The following CLNK variants were observed in gnomAD, a reference collection of about 807,000 sequenced individuals.
CLNK encodes cytokine-dependent hematopoietic cell linker.
A neutral mutation model predicts 68.6 loss-of-function variants in CLNK; 74 were observed. The observed-to-expected ratio is 1.08, with a 90% CI of 0.89 to 1.31. The LOEUF (loss-of-function observed/expected upper bound fraction) is 1.31, where lower values mean the gene tolerates loss of function less well. Ranked by LOEUF, CLNK falls within the 50% of genes most tolerant of loss-of-function variation. The probability of loss-of-function intolerance (pLI) is 0.00; values close to 1 mark genes in which losing one functional copy is unlikely to be tolerated. For missense variants in CLNK, 553 were observed against 515.3 expected, an observed-to-expected ratio of 1.07 and a Z score of -0.71; for synonymous variants, 198 against 172.2, an observed-to-expected ratio of 1.15 and a Z score of -1.17.
At chr4:10,632,326 T>C (rs1218299480) in intron 2 of CLNK, among the ~76,000 whole-genome samples, 2 of 152,208 alleles carry the variant, frequency 1.3e-5, no homozygotes, top group Non-Finnish European at 1.5e-5. Flanking sequence ...CCATCATCTT[T>C]TTCTATCTCC....
intron 4 of CLNK, among the ~76,000 whole-genome samples, chr4:10,583,591 G>C (rs1054452291): frequency 6.6e-6 from 1 of 152,182 alleles, no homozygotes. Context: ...GGTCTGGGCT[G>C]TTATTTTGAA....
At chr4:10,699,512 A>ATATATATATT in the CLNK span, among the ~76,000 whole-genome samples, 2 of 32,760 alleles carry the variant, frequency 6.1e-5, no homozygotes, top group African/African-American at 1.2e-4. Flanking sequence ...ATATATATAT[A>ATATATATATT]TTTTTTTTTT....
chr4:10,721,021 G>T, the CLNK span, among the ~76,000 whole-genome samples: 1 of 152,062 alleles, frequency 6.6e-6, no homozygotes, highest in Admixed American at 6.6e-5. Context: ...TACACAACTT[G>T]GGGGACTTTC....
intron 12 of CLNK, among the ~76,000 whole-genome samples, chr4:10,531,923 T>C (rs1026254145): frequency 6.6e-6 from 1 of 152,212 alleles, no homozygotes; most frequent in Non-Finnish European, 1.5e-5. Flanking sequence ...CAAAGTGCAA[T>C]ACCATTTCTA....
At chr4:10,607,942 G>C (rs1341767901) in intron 2 of CLNK, among the ~76,000 whole-genome samples, 1 of 152,198 alleles carries the variant, frequency 6.6e-6, no homozygotes, top group Non-Finnish European at 1.5e-5. Context: ...GGATAATCAT[G>C]AAAAATATCC....
At chr4:10,699,514 T>TATATATATATATATTTTA in the CLNK span, among the ~76,000 whole-genome samples, 1 of 18,452 alleles carries the variant, frequency 5.4e-5, no homozygotes, top group African/African-American at 1.9e-4. Context: ...ATATATATAT[T>TATATATATATATATTTTA]TTTTTTTTTT....
intron 2 of CLNK, among the ~76,000 whole-genome samples, chr4:10,615,942 G>C (rs576487673): frequency 1.3e-5 from 2 of 152,300 alleles, no homozygotes; most frequent in African/African-American, 4.8e-5. Flanking sequence ...GTGTGCTGAA[G>C]CTGGCTTATG....
intron 15 of CLNK, among the ~76,000 whole-genome samples, chr4:10,513,910 A>T (rs1452814063): frequency 1.4e-5 from 2 of 144,898 alleles, no homozygotes; most frequent in East Asian, 4.0e-4. Context: ...CACATTGTGC[A>T]GGTTAGTTAC....
At position 10,581,738 on chromosome 4, in the gene CLNK, G is replaced by A. The variant is rs568483142; in HGVS notation, c.112+3189C>T. On this transcript the variant is annotated intron_variant, in intron 4 of 18. Transcript: ENST00000226951. The stretch of plus-strand genomic sequence containing the variant: ...GTTGAATGAATGGATGGGTGAGTGG[G>A]TGAATGGTGATAGGGAAGGCAGCTG... Among the ~76,000 whole-genome samples, 18 of 152,154 alleles carry A rather than the reference G, an allele frequency of 1.2e-4. No individual in the cohort carries two copies. The South Asian group carries it at 3.5e-3, about 30-fold the overall frequency.
chr4:10,645,877 G>A (rs997241454), intron 2 of CLNK, among the ~76,000 whole-genome samples: 18 of 152,158 alleles, frequency 1.2e-4, no homozygotes, highest in Non-Finnish European at 2.4e-4. Context: ...TGTTTGAGGT[G>A]ATGGATATCC....
intron 2 of CLNK, among the ~76,000 whole-genome samples, chr4:10,626,614 A>C (rs777455897): frequency 3.9e-5 from 6 of 152,200 alleles, no homozygotes; most frequent in Admixed American, 6.5e-5. Flanking sequence ...AATACAAACG[A>C]TATATTCTGG....
At chr4:10,537,455 G>T (rs1577114066) in intron 11 of CLNK, among the ~76,000 whole-genome samples, 1 of 152,202 alleles carries the variant, frequency 6.6e-6, no homozygotes, top group African/African-American at 2.4e-5. Context: ...TCCAGCCTGG[G>T]CAATAGAGCG....
At position 10,487,997 on chromosome 4, in the gene CLNK, C is replaced by A. The variant is rs1716424714; in HGVS notation, c.*2470G>T. 1.3e-5 allele frequency: 2 copies of A among 152,160 alleles called. No homozygotes were observed. Among genetic ancestry groups the A allele is most frequent in the African/African-American group, 4.8e-5 (2 of 41,428 alleles). 9.4% of individuals were successfully genotyped at this position (152,160 alleles called of 1,614,324 possible). The stretch of plus-strand genomic sequence containing the variant: ...ACCCGACACCCAATCCCTCAAACCC[C>A]AATCACCAGAAGCAGCCCATGTCAG... On this transcript the variant is annotated 3_prime_UTR_variant, in exon 19 of 19. Coordinates refer to ENST00000226951, the MANE Select transcript of CLNK (RefSeq NM_052964.4).
chr4:10,693,773 G>T, the CLNK span, among the ~76,000 whole-genome samples: 2 of 152,240 alleles, frequency 1.3e-5, no homozygotes, highest in African/African-American at 4.8e-5. Context: ...CACATTTCTA[G>T]TTCCCTATCC....
At position 10,513,575 on chromosome 4, in the gene CLNK, G is replaced by A; in HGVS notation, c.795C>T (p.Pro265=). The A allele has an allele frequency of 6.2e-7, 1 of 1,604,382 alleles. No individual in the cohort carries two copies. Among genetic ancestry groups the A allele is most frequent in the East Asian group, 2.2e-5 (1 of 44,604 alleles). Residue 265 remains proline, a synonymous_variant, in exon 16 of 19, where the codon CCC becomes CCT. Transcript: ENST00000226951. ...QNRDHRGGMQ[P]CSPQRCQPPA... Reference sequence around the variant, plus strand: ...GAGGCTGGCATCTCTGAGGAGAACAGGGCTGCATGCCTCCTCTATGATCTG... The same window carrying A: ...GAGGCTGGCATCTCTGAGGAGAACAAGGCTGCATGCCTCCTCTATGATCTG...
At chr4:10,632,300 A>G (rs1238855903) in intron 2 of CLNK, among the ~76,000 whole-genome samples, 1 of 151,954 alleles carries the variant, frequency 6.6e-6, no homozygotes, top group Non-Finnish European at 1.5e-5. Flanking sequence ...TCTCCATCTG[A>G]CCTCTGCCAT....
At chr4:10,641,096 G>A (rs982245734) in intron 2 of CLNK, among the ~76,000 whole-genome samples, 4 of 152,192 alleles carry the variant, frequency 2.6e-5, no homozygotes, top group Non-Finnish European at 4.4e-5. Context: ...GGAGAATACA[G>A]GGAGTCATGT....
chr4:10,591,548 T>C (rs1330307366), intron 3 of CLNK, among the ~76,000 whole-genome samples: 1 of 152,124 alleles, frequency 6.6e-6, no homozygotes, highest in Non-Finnish European at 1.5e-5. Context: ...CACAGGCACA[T>C]GCAGAGGGAA....
At chr4:10,713,812 A>G in the CLNK span, among the ~76,000 whole-genome samples, 2 of 152,316 alleles carry the variant, frequency 1.3e-5, no homozygotes, top group African/African-American at 4.8e-5. Context: ...AGCAGATGCC[A>G]GCACCATGCT....
Sources: allele counts gnomAD v4.1 joint callset (sites outside exome capture counted in the v4.1 genomes callset), GRCh38; gene constraint gnomAD v4.1.1; transcripts MANE v1.5; gene names NCBI Gene and HGNC (gene_info 2026-07-23, HGNC 2026-07-21).